RIMS2: variants seen among roughly 807,000 people sequenced by gnomAD.
The protein encoded by RIMS2 is regulating synaptic membrane exocytosis 2.
RIMS2 carries 59 observed loss-of-function variants against 174.4 expected under a neutral mutation model. The ratio of observed to expected loss-of-function variants is 0.34; its 90% CI spans 0.27 to 0.42. The LOEUF is 0.42. Among genes scored for constraint, RIMS2 ranks in the 10% least tolerant of loss-of-function variants. The pLI is 1.00. For missense variants in RIMS2, 1,620 were observed against 1,666.3 expected (o/e 0.97, Z 0.48); for synonymous variants, 606 against 572.5 (o/e 1.06, Z -0.84).
intron 19 of RIMS2, among the ~76,000 whole-genome samples, chr8:104,147,352 T>C (rs990766536): frequency 2.0e-5 from 3 of 152,160 alleles, no homozygotes; most frequent in Non-Finnish European, 4.4e-5. Context: ...CTTCACTATA[T>C]ATTTTTTAAA....
chr8:103,617,824 G>A (rs2095541621), intron 1 of RIMS2, among the ~76,000 whole-genome samples: 1 of 152,152 alleles, frequency 6.6e-6, no homozygotes, highest in South Asian at 2.1e-4. Context: ...ACACCAGTCA[G>A]AATGGCTGTT....
chr8:103,692,081 A>T (rs2097033230), intron 1 of RIMS2, among the ~76,000 whole-genome samples: 1 of 152,066 alleles, frequency 6.6e-6, no homozygotes, highest in East Asian at 1.9e-4. Context: ...TCTGTGTGGG[A>T]CTGCCTGGGG....
intron 3 of RIMS2, among the ~76,000 whole-genome samples, chr8:103,867,934 G>T (rs2099091442): frequency 6.6e-6 from 1 of 151,888 alleles, no homozygotes; most frequent in Admixed American, 6.6e-5. Flanking sequence ...ATTACCATTG[G>T]TATTATGTCT....
intron 17 of RIMS2, among the ~76,000 whole-genome samples, chr8:103,995,264 A>G (rs2095011467): frequency 6.6e-6 from 1 of 152,118 alleles, no homozygotes; most frequent in Non-Finnish European, 1.5e-5. Context: ...GTGCACAAAG[A>G]TTTAAAACAG....
chr8:103,849,957 A>G (rs2098988719), intron 3 of RIMS2, among the ~76,000 whole-genome samples: 1 of 152,070 alleles, frequency 6.6e-6, no homozygotes, highest in African/African-American at 2.4e-5. Context: ...AAAAATGTCA[A>G]AAAGAAAAAT....
At chr8:103,792,050 T>C (rs551437416) in intron 3 of RIMS2, among the ~76,000 whole-genome samples, 23 of 152,278 alleles carry the variant, frequency 1.5e-4, no homozygotes, top group Admixed American at 1.4e-3. Context: ...GGAATTGAAC[T>C]CAGCTCTGCA....
intron 6 of RIMS2, among the ~76,000 whole-genome samples, chr8:103,912,973 T>G (rs970947843): frequency 1.4e-4 from 20 of 143,084 alleles, no homozygotes; most frequent in African/African-American, 4.9e-4. Flanking sequence ...TTTTGTTGTT[T>G]TTTTTTTTTT....
At chr8:104,127,087 A>G (rs2132671165) in intron 19 of RIMS2, among the ~76,000 whole-genome samples, 1 of 152,276 alleles carries the variant, frequency 6.6e-6, no homozygotes, top group African/African-American at 2.4e-5. Flanking sequence ...TTTTTGTAAA[A>G]TGCAGGAAAA....
At chr8:103,589,236 A>G (rs983208453) in intron 1 of RIMS2, among the ~76,000 whole-genome samples, 2 of 151,748 alleles carry the variant, frequency 1.3e-5, no homozygotes, top group Non-Finnish European at 3.0e-5. Context: ...ACTGTAGGAA[A>G]AAATCTAATA....
At chr8:103,607,139 C>T (rs2095137277) in intron 1 of RIMS2, among the ~76,000 whole-genome samples, 1 of 151,954 alleles carries the variant, frequency 6.6e-6, no homozygotes, top group Admixed American at 6.6e-5. Context: ...GTGGCTGGTG[C>T]CGGTTGTTCC....
intron 17 of RIMS2, among the ~76,000 whole-genome samples, chr8:103,994,499 T>C (rs1212872478): frequency 6.6e-6 from 1 of 152,230 alleles, no homozygotes. Flanking sequence ...TTAGTCATTA[T>C]GCATATTTAA....
chr8:104,166,686 T>C (rs1381799518), intron 19 of RIMS2, among the ~76,000 whole-genome samples: 2 of 151,784 alleles, frequency 1.3e-5, no homozygotes, highest in South Asian at 2.1e-4. Flanking sequence ...GTATAAGAGA[T>C]AGAGTTATAA....
chr8:103,781,883 G>A (rs1564609876), intron 3 of RIMS2, among the ~76,000 whole-genome samples: 1 of 151,600 alleles, frequency 6.6e-6, no homozygotes, highest in Non-Finnish European at 1.5e-5. Flanking sequence ...AAGTAACTGG[G>A]ATTACAGGTG....
chr8:104,004,154 T>A, intron 17 of RIMS2, among the ~76,000 whole-genome samples: 1 of 152,106 alleles, frequency 6.6e-6, no homozygotes, highest in Admixed American at 6.6e-5. Flanking sequence ...AGGAACAGAG[T>A]AAACAATTTT....
intron 1 of RIMS2, among the ~76,000 whole-genome samples, chr8:103,645,385 C>A (rs1244977408): frequency 3.9e-5 from 6 of 151,932 alleles, no homozygotes; most frequent in Admixed American, 3.3e-4. Context: ...GTTATTGTGA[C>A]ACAAATATGT....
chr8:104,016,483 A>G (rs1279454213), intron 19 of RIMS2, among the ~76,000 whole-genome samples: 1 of 152,028 alleles, frequency 6.6e-6, no homozygotes, highest in East Asian at 1.9e-4. Context: ...TCCAAGTACC[A>G]TAATTTTGAA....
chr8:104,196,060 T>A lies in RIMS2; in HGVS notation c.3335-48856T>A, dbSNP rs572390334. On this transcript the variant is annotated intron_variant, in intron 19 of 23. Transcript: ENST00000504942. ...TATAACATGAAGCACAGAAAATTATTTTTATAAAACATGAAATATTTGGTT... is the reference window on the plus strand; with the variant it reads ...TATAACATGAAGCACAGAAAATTATATTTATAAAACATGAAATATTTGGTT... 2.6e-5 allele frequency among the ~76,000 whole-genome samples: 4 copies of A among 152,270 alleles called. No homozygotes were observed. The South Asian group carries it at 8.3e-4, about 32-fold the overall frequency.
intron 1 of RIMS2, among the ~76,000 whole-genome samples, chr8:103,623,734 C>A (rs2095702047): frequency 6.6e-6 from 1 of 151,842 alleles, no homozygotes; most frequent in Non-Finnish European, 1.5e-5. Context: ...CGTGATCCGC[C>A]CGCTTCGGCC....
chr8:104,202,036 G>A (rs1421993286), intron 19 of RIMS2, among the ~76,000 whole-genome samples: 1 of 152,138 alleles, frequency 6.6e-6, no homozygotes, highest in Non-Finnish European at 1.5e-5. Context: ...AAGCAAATCA[G>A]TGAGCTGATC....
Sources: gnomAD v4.1 joint callset for allele counts (sites outside exome capture counted in the v4.1 genomes callset) on GRCh38, gnomAD v4.1.1 for gene constraint, MANE v1.5 for transcripts, NCBI Gene and HGNC (gene_info 2026-07-23, HGNC 2026-07-21) for gene names.